Variants in CMBL observed in about 807,000 individuals in gnomAD.
CMBL encodes carboxymethylenebutenolidase homolog.
A neutral mutation model predicts 28.7 loss-of-function variants in CMBL; 17 were observed. That is an observed-to-expected ratio of 0.59 (90% CI 0.41 to 0.89). The LOEUF (loss-of-function observed/expected upper bound fraction) is 0.89. CMBL is among the 40% of genes least tolerant of loss of function. CMBL has a pLI of 0.00. For missense variants in CMBL, 310 were observed against 298.5 expected (o/e 1.04, Z -0.28); for synonymous variants, 106 against 101.6 (o/e 1.04, Z -0.26).
intron 1 of CMBL, among the ~76,000 whole-genome samples, chr5:10,305,989 T>C (rs1746994815): frequency 6.6e-6 from 1 of 152,066 alleles, no homozygotes. Context: ...TTGAACCAGT[T>C]ACAACATCTG....
At chr5:10,302,607 A>T (rs1318423611) in intron 1 of CMBL, among the ~76,000 whole-genome samples, 4 of 152,148 alleles carry the variant, frequency 2.6e-5, no homozygotes, top group Admixed American at 1.3e-4. Context: ...CTCAAAAAAA[A>T]AAAAAAGACA....
chr5:10,286,406 G>A lies in CMBL; in HGVS notation c.414C>T (p.Val138=). 1.2e-6 allele frequency: 2 copies of A among 1,613,928 alleles called. No individual in the cohort carries two copies. Among genetic ancestry groups the A allele is most frequent in the Non-Finnish European group, 1.7e-6 (2 of 1,179,872 alleles). Residue 138 remains valine (V), a synonymous_variant, in exon 4 of 6, where the codon GTC becomes GTT. Coordinates refer to ENST00000296658, the MANE Select transcript of CMBL (RefSeq NM_138809.4). ...IVGFCWGGTA[V]HHLMMKYSEF... is the part of the protein sequence containing the mutation. ...CTGAGTATTTCATCATCAAATGATGGACAGCAGTTCCACCCCAGCAGAATC... is the reference window on the plus strand; with the variant it reads ...CTGAGTATTTCATCATCAAATGATGAACAGCAGTTCCACCCCAGCAGAATC...
chr5:10,290,469 G>A (rs1746688424), intron 2 of CMBL, 79 bp downstream of exon 2: 1 of 1,263,968 alleles, frequency 7.9e-7, no homozygotes, highest in South Asian at 1.2e-5. Flanking sequence ...GACCGCTGTG[G>A]TTTTATTTTT....
In CMBL at chr5:10,280,593, C is replaced by T; in HGVS notation, c.598G>A (p.Val200Ile). 1.2e-6 allele frequency: 2 copies of T among 1,611,986 alleles called. No homozygotes were observed. The highest frequency in any genetic ancestry group is 4.5e-5 in the East Asian group (2 of 44,830). ...GAAAATGTTTTAATTTGATATTCAA[C>T]TTTGCAGTGTTCTTTCAACTTCTGA... is the stretch of plus-strand genomic sequence containing the variant. ...LTQKLKEHCK[V>I]EYQIKTFSGQ... Residue 200 changes from valine to isoleucine, a missense_variant, in exon 6 of 6, where the codon GTT (valine) becomes ATT (isoleucine). Physicochemically the swap from Val to Ile is conservative, Grantham distance 29 (BLOSUM62 3). Transcript: ENST00000296658.
chr5:10,307,260 G>T (rs1171731155), intron 1 of CMBL: 1 of 152,192 alleles, frequency 6.6e-6, no homozygotes, highest in Non-Finnish European at 1.5e-5. Context: ...TGCAGGAAGA[G>T]AGTTACAAGG....
At position 10,290,756 on chromosome 5, in the gene CMBL, T is replaced by C. The variant is rs763279164; in HGVS notation, c.7A>G (p.Asn3Asp). MA[N>D]EAYPCPCDIG... ...TCACACGGACAAGGATAAGCTTCGT[T>C]AGCCATTGCAGAGATTTAAGTCGGG... Residue 3 changes from asparagine (N) to aspartate (D), a missense_variant, in exon 2 of 6, where the codon AAC (asparagine) becomes GAC (aspartate). By Grantham distance (23) the Asn-to-Asp change is conservative (BLOSUM62 1). Coordinates refer to ENST00000296658, the MANE Select transcript of CMBL (RefSeq NM_138809.4). 1.2e-6 allele frequency: 2 copies of C among 1,613,992 alleles called. No individual in the cohort carries two copies. Among genetic ancestry groups the C allele is most frequent in the Non-Finnish European group, 1.7e-6 (2 of 1,179,934 alleles).
chr5:10,278,349 C>G lies in CMBL; in HGVS notation c.*2104G>C, dbSNP rs1365270599. On this transcript the variant is annotated 3_prime_UTR_variant, in exon 6 of 6. Transcript: ENST00000296658. ...TTACAAAACCGCCTCCTGGGACCACCTTCCCATGGACAGCTGGATACCACC... is the reference window on the plus strand; with the variant it reads ...TTACAAAACCGCCTCCTGGGACCACGTTCCCATGGACAGCTGGATACCACC... Among the ~76,000 whole-genome samples, 1 of 152,174 alleles carries G rather than the reference C, an allele frequency of 6.6e-6. No homozygotes were observed. The highest frequency in any genetic ancestry group is 1.5e-5 in the Non-Finnish European group (1 of 68,034).
chr5:10,290,524 A>G lies in CMBL; in HGVS notation c.215+24T>C, dbSNP rs186874807. The G allele has an allele frequency of 4.9e-3, 7,797 of 1,589,696 alleles. 30 individuals are homozygous for G. The highest frequency in any genetic ancestry group is 8.5e-3 in the Middle Eastern group (51 of 6,002). ...CACTGAAATTTGTATGAATTTAAACAAAGAAACACAACTTTATACATACGT... is the reference window on the plus strand; with the variant it reads ...CACTGAAATTTGTATGAATTTAAACGAAGAAACACAACTTTATACATACGT... On this transcript the variant is annotated intron_variant, in intron 2 of 5. Coordinates refer to ENST00000296658, the MANE Select transcript of CMBL (RefSeq NM_138809.4).
At chr5:10,294,766 C>T (rs1023656135) in intron 1 of CMBL, among the ~76,000 whole-genome samples, 2 of 152,180 alleles carry the variant, frequency 1.3e-5, no homozygotes, top group African/African-American at 4.8e-5. Context: ...GTTCTGCTGA[C>T]AGATTGTATC....
At chr5:10,282,337 ACATGATCCCCACACCCATGCCG>A (rs769743444) in intron 4 of CMBL, 49 bp from the exon 5 acceptor site, 7 of 1,066,162 alleles carry the variant, frequency 6.6e-6, no homozygotes, top group East Asian at 4.7e-5. Context: ...CACTCATGCC[ACATGATCCCCACACCCATGCCG>A]CATGATCCCC....
In CMBL at chr5:10,278,373, C is replaced by T. The variant is rs1290475627; in HGVS notation, c.*2080G>A. On this transcript the variant is annotated 3_prime_UTR_variant, in exon 6 of 6. Coordinates refer to ENST00000296658, the MANE Select transcript of CMBL (RefSeq NM_138809.4). ...CCTTCCCATGGACAGCTGGATACCA[C>T]CTGCTTGACTTGTCCCACTGACCCC... is the stretch of plus-strand genomic sequence containing the variant. 1.3e-5 allele frequency among the ~76,000 whole-genome samples: 2 copies of T among 152,180 alleles called. No individual in the cohort carries two copies. The highest frequency in any genetic ancestry group is 2.9e-5 in the Non-Finnish European group (2 of 68,048).
At position 10,289,393 on chromosome 5, in the gene CMBL, G is replaced by C. The variant is rs77532484; in HGVS notation, c.216-864C>G. ...ACCTGTGAAAGGGCTTTGTAAAACA[G>C]GGGTCTTTCCTTATCTTTTATGTCC... On this transcript the variant is annotated intron_variant, in intron 2 of 5. Transcript: ENST00000296658. This position sits in a 1 kb window ranked among gnomAD's most constrained non-coding sequence, Gnocchi z 4.3. 0.013 allele frequency among the ~76,000 whole-genome samples: 2,022 copies of C among 152,296 alleles called. 48 individuals carry two copies. The highest frequency in any genetic ancestry group is 0.045 in the African/African-American group (1,868 of 41,562).
intron 1 of CMBL, among the ~76,000 whole-genome samples, chr5:10,300,225 G>A (rs961502896): frequency 1.3e-5 from 2 of 152,108 alleles, no homozygotes; most frequent in African/African-American, 2.4e-5. Context: ...TGAAGATGGA[G>A]GTGGAGATGG....
rs1746477657 is a variant in CMBL at position 10,280,388 on chromosome 5, TCTAA to T, written c.*61_*64del. 3.5e-6 allele frequency: 4 copies of T among 1,155,176 alleles called. No homozygotes were observed. The South Asian group carries it at 5.6e-5, about 16-fold the overall frequency. 71.6% of individuals were successfully genotyped at this position (1,155,176 alleles called of 1,614,324 possible). On this transcript the variant is annotated 3_prime_UTR_variant, in exon 6 of 6. Transcript: ENST00000296658. ...TAAAAGTGAAAATTAAATCAAATGATCTAACTATTTCCAAGCAAATTTTGGGATG... is the reference window on the plus strand; with the variant it reads ...TAAAAGTGAAAATTAAATCAAATGATCTATTTCCAAGCAAATTTTGGGATG...
chr5:10,294,473 G>A (rs1241755173), intron 1 of CMBL, among the ~76,000 whole-genome samples: 1 of 152,100 alleles, frequency 6.6e-6, no homozygotes, highest in South Asian at 2.1e-4. Context: ...CTGAGGTAGG[G>A]GGATCCCTTG....
chr5:10,295,334 C>G (rs1746791289), intron 1 of CMBL, among the ~76,000 whole-genome samples: 1 of 152,184 alleles, frequency 6.6e-6, no homozygotes, highest in South Asian at 2.1e-4. Flanking sequence ...TCCCGCCCAC[C>G]TTGGCCTCCC....
In CMBL at chr5:10,278,517, A is replaced by G. The variant is rs1160980721; in HGVS notation, c.*1936T>C. On this transcript the variant is annotated 3_prime_UTR_variant, in exon 6 of 6. Coordinates refer to ENST00000296658, the MANE Select transcript of CMBL (RefSeq NM_138809.4). ...CCCCCAGTTAGAACCTCCAGGGGAAACCTGCATAGATGACACCCTGGGCCC... is the reference window on the plus strand; with the variant it reads ...CCCCCAGTTAGAACCTCCAGGGGAAGCCTGCATAGATGACACCCTGGGCCC... Among the ~76,000 whole-genome samples, 2 of 152,034 alleles carry G rather than the reference A, an allele frequency of 1.3e-5. No individual in the cohort carries two copies.
intron 1 of CMBL, among the ~76,000 whole-genome samples, chr5:10,305,645 C>T (rs760232546): frequency 2.6e-5 from 4 of 152,146 alleles, no homozygotes; most frequent in Non-Finnish European, 4.4e-5. Flanking sequence ...AATCTCCGCT[C>T]ACTGCAACCT....
At chr5:10,287,021 C>T (rs1746617058) in intron 3 of CMBL, among the ~76,000 whole-genome samples, 3 of 152,182 alleles carry the variant, frequency 2.0e-5, no homozygotes, top group Admixed American at 2.0e-4. Flanking sequence ...TCGTCTCCTC[C>T]CCCTGCCGCC....
Sources: allele counts gnomAD v4.1 joint callset (sites outside exome capture counted in the v4.1 genomes callset), GRCh38; gene constraint gnomAD v4.1.1; non-coding constraint Gnocchi (gnomAD v3.1); transcripts MANE v1.5; gene names NCBI Gene and HGNC (gene_info 2026-07-23, HGNC 2026-07-21).